Variants in GRID2 observed in about 807,000 individuals in gnomAD.
GRID2 encodes the protein glutamate ionotropic receptor delta type subunit 2.
A neutral mutation model predicts 114.8 loss-of-function variants in GRID2; 33 were observed. The observed-to-expected ratio is 0.29, with a 90% confidence interval of 0.22 to 0.38. GRID2 has a LOEUF of 0.38. Among genes scored for constraint, GRID2 ranks in the 10% least tolerant of loss-of-function variants. The pLI is 1.00. For missense variants in GRID2, 1,184 were observed against 1,257.7 expected, an observed-to-expected ratio of 0.94 and a Z score of 0.89; for synonymous variants, 505 against 449.9, an observed-to-expected ratio of 1.12 and a Z score of -1.55.
chr4:93,119,707 C>A (rs917655861), intron 4 of GRID2, among the ~76,000 whole-genome samples: 1 of 151,982 alleles, frequency 6.6e-6, no homozygotes, highest in Non-Finnish European at 1.5e-5. Flanking sequence ...AACTTTGAGG[C>A]TGTCAAACAA....
At chr4:93,542,757 T>C (rs1732781819) in intron 13 of GRID2, among the ~76,000 whole-genome samples, 1 of 152,224 alleles carries the variant, frequency 6.6e-6, no homozygotes, top group South Asian at 2.1e-4. Context: ...TTCTTATTCA[T>C]AACTTAGGGA....
chr4:92,892,635 C>T (rs941771329), intron 2 of GRID2, among the ~76,000 whole-genome samples: 4 of 152,092 alleles, frequency 2.6e-5, no homozygotes, highest in Non-Finnish European at 5.9e-5. Context: ...ATTGTTAATG[C>T]ACTCAAACTG....
At chr4:93,712,958 CTG>C (rs1728611123) in intron 14 of GRID2, among the ~76,000 whole-genome samples, 1 of 152,112 alleles carries the variant, frequency 6.6e-6, no homozygotes, top group South Asian at 2.1e-4. Context: ...CATGTAAAAT[CTG>C]TGACATCGCA....
chr4:93,461,388 A>T (rs1723726903), intron 11 of GRID2, among the ~76,000 whole-genome samples: 1 of 152,256 alleles, frequency 6.6e-6, no homozygotes, highest in East Asian at 1.9e-4. Context: ...TGTATAGGCA[A>T]TTGACTTGGA....
At chr4:93,722,390 T>A (rs1471745783) in intron 14 of GRID2, among the ~76,000 whole-genome samples, 1 of 152,154 alleles carries the variant, frequency 6.6e-6, no homozygotes, top group Non-Finnish European at 1.5e-5. Flanking sequence ...GACCAGGAAC[T>A]TTAACACAAA....
chr4:93,605,367 T>C (rs1270512422), intron 13 of GRID2, among the ~76,000 whole-genome samples: 1 of 152,196 alleles, frequency 6.6e-6, no homozygotes, highest in Non-Finnish European at 1.5e-5. Flanking sequence ...TCTATGAAAC[T>C]GTGCTGAGTC....
At chr4:93,578,720 A>T (rs1736677682) in intron 13 of GRID2, among the ~76,000 whole-genome samples, 1 of 150,904 alleles carries the variant, frequency 6.6e-6, no homozygotes, top group South Asian at 2.1e-4. Flanking sequence ...CAGCCTCCCA[A>T]GTAGCTGGGA....
intron 1 of GRID2, among the ~76,000 whole-genome samples, chr4:92,509,197 T>C (rs116421898): frequency 0.043 from 6,465 of 152,048 alleles, 183 homozygotes; most frequent in Non-Finnish European, 0.059. Flanking sequence ...TAAATGACGA[T>C]ATTATTAAAA....
chr4:93,355,418 C>A (rs910151347), intron 8 of GRID2, among the ~76,000 whole-genome samples: 10 of 152,014 alleles, frequency 6.6e-5, no homozygotes, highest in African/African-American at 2.4e-4. Flanking sequence ...TGCTGGACAG[C>A]CTTCATGGAG....
At chr4:92,570,390 G>A (rs1039937823) in intron 1 of GRID2, among the ~76,000 whole-genome samples, 3 of 152,084 alleles carry the variant, frequency 2.0e-5, no homozygotes, top group Non-Finnish European at 2.9e-5. Flanking sequence ...GAGATAGCAT[G>A]AAGCCTTTGG....
At chr4:93,111,977 T>C (rs927140909) in intron 4 of GRID2, 1 of 152,124 alleles carries the variant, frequency 6.6e-6, no homozygotes. Context: ...CATTATGCAG[T>C]TTAAAGACAA....
intron 14 of GRID2, among the ~76,000 whole-genome samples, chr4:93,714,401 A>G (rs1326036302): frequency 6.6e-6 from 1 of 152,172 alleles, no homozygotes; most frequent in African/African-American, 2.4e-5. Flanking sequence ...CAACAAACAT[A>G]TGTATGCATG....
chr4:93,129,743 C>T (rs1488329558), intron 4 of GRID2, among the ~76,000 whole-genome samples: 3 of 152,124 alleles, frequency 2.0e-5, no homozygotes, highest in African/African-American at 7.2e-5. Context: ...CCCTTGTCTC[C>T]ATGATGTTTG....
intron 2 of GRID2, among the ~76,000 whole-genome samples, chr4:93,041,808 C>T (rs1250605233): frequency 1.3e-5 from 2 of 151,940 alleles, no homozygotes; most frequent in Non-Finnish European, 2.9e-5. Flanking sequence ...CTGAGTAGAG[C>T]CCTAACTTCT....
At chr4:92,663,156 C>T (rs1434874508) in intron 2 of GRID2, among the ~76,000 whole-genome samples, 1 of 150,974 alleles carries the variant, frequency 6.6e-6, no homozygotes, top group Non-Finnish European at 1.5e-5. Context: ...TGACTTGATA[C>T]TCTAAAAAGA....
intron 14 of GRID2, among the ~76,000 whole-genome samples, chr4:93,766,985 C>A (rs1284609936): frequency 6.6e-6 from 1 of 152,048 alleles, no homozygotes; most frequent in Non-Finnish European, 1.5e-5. Context: ...CATGAATAGG[C>A]CAGGAAAGTA....
At chr4:93,224,958 T>G (rs1047980661) in intron 7 of GRID2, among the ~76,000 whole-genome samples, 183 bp downstream of exon 7, 3 of 152,096 alleles carry the variant, frequency 2.0e-5, no homozygotes, top group Non-Finnish European at 4.4e-5. Context: ...GGAGGCTTCC[T>G]TATTTATTTA....
intron 8 of GRID2, among the ~76,000 whole-genome samples, chr4:93,266,728 A>G (rs1401180492): frequency 6.6e-6 from 1 of 152,150 alleles, no homozygotes; most frequent in Non-Finnish European, 1.5e-5. Context: ...CAGGGTTTTT[A>G]TAAGGGAAAC....
intron 1 of GRID2, among the ~76,000 whole-genome samples, chr4:92,436,425 G>A (rs1192054130): frequency 6.6e-6 from 1 of 151,952 alleles, no homozygotes; most frequent in Non-Finnish European, 1.5e-5. Flanking sequence ...TGTTATTATA[G>A]GGCTAAAGAT....
Sources: gnomAD v4.1 joint callset for allele counts (sites outside exome capture counted in the v4.1 genomes callset) on GRCh38, gnomAD v4.1.1 for gene constraint, MANE v1.5 for transcripts, NCBI Gene and HGNC (gene_info 2026-07-23, HGNC 2026-07-21) for gene names.